The following BBX variants were observed in gnomAD, a reference collection of about 807,000 sequenced individuals.
The protein encoded by BBX is HMG box transcription factor BBX.
Under a neutral mutation model 100.2 loss-of-function variants are expected in BBX, and 30 were observed. The ratio of observed to expected loss-of-function variants is 0.30; its 90% CI spans 0.22 to 0.41. The LOEUF (loss-of-function observed/expected upper bound fraction) is 0.41. BBX is among the 10% of genes least tolerant of loss of function. The probability of loss-of-function intolerance (pLI) is 1.00; values close to 1 mark genes in which losing one functional copy is unlikely to be tolerated. For missense variants in BBX, 1,023 were observed against 1,129.8 expected (o/e 0.91, Z 1.35); for synonymous variants, 376 against 388.1 (o/e 0.97, Z 0.37).
intron 3 of BBX, among the ~76,000 whole-genome samples, chr3:107,653,684 A>C (rs949053502): frequency 2.6e-5 from 4 of 152,138 alleles, no homozygotes; most frequent in African/African-American, 7.2e-5. Flanking sequence ...ACCGTAAAGC[A>C]ATTTATTACC....
intron 2 of BBX, among the ~76,000 whole-genome samples, chr3:107,564,440 A>T (rs1204873012): frequency 1.3e-5 from 2 of 151,960 alleles, no homozygotes; most frequent in Admixed American, 6.6e-5. Context: ...TGTCTTTTTG[A>T]ACTATAAGAA....
chr3:107,713,976 T>C (rs1189231798), intron 4 of BBX, among the ~76,000 whole-genome samples: 15 of 94,764 alleles, frequency 1.6e-4, no homozygotes, highest in Admixed American at 2.9e-4. Context: ...TCTTTTTTTT[T>C]TTTTTTTTTT....
intron 4 of BBX, among the ~76,000 whole-genome samples, chr3:107,715,851 T>G (rs1294289591): frequency 6.6e-6 from 1 of 152,218 alleles, no homozygotes; most frequent in East Asian, 1.9e-4. Context: ...AAGTGTAGGA[T>G]AAAAGAGGAT....
rs1279065540 is a variant in BBX, at chr3:107,544,550, TG to T, written c.-84+18153del. ...TATTGAATGTAAAATGCTAGTTATTTGTAAAATCGTTACTTTAAAAGTTATA... is the reference window on the plus strand; with the variant it reads ...TATTGAATGTAAAATGCTAGTTATTTTAAAATCGTTACTTTAAAAGTTATA... On this transcript the variant is annotated intron_variant, in intron 2 of 17. Transcript: ENST00000325805. 1.1e-4 allele frequency among the ~76,000 whole-genome samples: 16 copies of T among 152,282 alleles called. No homozygotes were observed. The Middle Eastern group carries it at 0.01, about 97-fold the overall frequency.
intron 2 of BBX, among the ~76,000 whole-genome samples, chr3:107,621,632 C>T (rs1404468220): frequency 6.6e-6 from 1 of 152,188 alleles, no homozygotes; most frequent in Admixed American, 6.5e-5. Context: ...AGCTTGAAGA[C>T]CTGAGTTGCT....
intron 3 of BBX, among the ~76,000 whole-genome samples, chr3:107,679,524 T>C (rs1256062084): frequency 6.6e-6 from 1 of 152,056 alleles, no homozygotes; most frequent in Non-Finnish European, 1.5e-5. Flanking sequence ...GGCACAACAA[T>C]AGCACTGGGC....
At chr3:107,577,100 C>A (rs2051845687) in intron 2 of BBX, among the ~76,000 whole-genome samples, 2 of 152,144 alleles carry the variant, frequency 1.3e-5, no homozygotes, top group African/African-American at 2.4e-5. Context: ...ACCTCATGAT[C>A]CACCCACCTC....
At chr3:107,640,921 C>G (rs1364879750) in intron 2 of BBX, among the ~76,000 whole-genome samples, 1 of 152,144 alleles carries the variant, frequency 6.6e-6, no homozygotes, top group East Asian at 1.9e-4. Context: ...CTCAACCTCC[C>G]AAAGTGGTGG....
rs1356817211 is a variant in BBX at position 107,773,155 on chromosome 3, T to G, written c.1434T>G (p.Ser478=). ...TPKKTCKKRQ[S]SESDIESVIY... ...AGAAGACTTGCAAAAAGAGGCAGTC[T>G]TCGGAATCTGACATTGAGAGCGTCA... The change falls in exon 11 of 18, where the codon TCT becomes TCG. Residue 478 remains serine, a synonymous_variant. Coordinates refer to ENST00000325805, the MANE Select transcript of BBX (RefSeq NM_001142568.3). This position sits in a 1 kb window ranked among gnomAD's most constrained non-coding sequence, Gnocchi z 4.1. The G allele has an allele frequency of 1.9e-6, 3 of 1,614,086 alleles. No homozygotes were observed. In the East Asian group the frequency reaches 6.7e-5, roughly 36 times the overall value.
At chr3:107,721,359 T>TTTTTG (rs149888364) in intron 5 of BBX, among the ~76,000 whole-genome samples, 2 of 151,910 alleles carry the variant, frequency 1.3e-5, no homozygotes, top group East Asian at 1.9e-4. Context: ...GTTGTTTTGT[T>TTTTTG]TTTTGTTTTG....
At chr3:107,664,072 T>G (rs563174568) in intron 3 of BBX, among the ~76,000 whole-genome samples, 19 of 152,236 alleles carry the variant, frequency 1.2e-4, no homozygotes, top group Non-Finnish European at 2.5e-4. Context: ...CCCAAAATGC[T>G]GGGCTTACAA....
chr3:107,747,209 T>A (rs1382556917), intron 8 of BBX, among the ~76,000 whole-genome samples: 5 of 151,924 alleles, frequency 3.3e-5, no homozygotes, highest in African/African-American at 1.2e-4. Flanking sequence ...TTCCATTCAT[T>A]GTCACACACT....
intron 2 of BBX, 25 bp from the exon 3 acceptor site, chr3:107,645,811 C>T (rs1459884661): frequency 1.3e-5 from 2 of 152,602 alleles, no homozygotes; most frequent in Admixed American, 6.5e-5. Flanking sequence ...ACCATTTTAA[C>T]TACTTTTCTA....
chr3:107,675,596 G>A (rs150602468), intron 3 of BBX, among the ~76,000 whole-genome samples: 75 of 152,254 alleles, frequency 4.9e-4, no homozygotes, highest in Middle Eastern at 3.4e-3. Flanking sequence ...CACTTAGGCA[G>A]CAGTTCCCTC....
chr3:107,794,037 A>G (rs2069337288), intron 15 of BBX, among the ~76,000 whole-genome samples: 2 of 152,122 alleles, frequency 1.3e-5, no homozygotes, highest in African/African-American at 4.8e-5. Flanking sequence ...AGGATTTTCA[A>G]ATAAACCAAG....
chr3:107,571,884 G>A (rs2051394775), intron 2 of BBX, among the ~76,000 whole-genome samples: 1 of 152,238 alleles, frequency 6.6e-6, no homozygotes, highest in Admixed American at 6.5e-5. Flanking sequence ...ATGTGTGTAT[G>A]TGTGGTACGT....
At chr3:107,619,877 AGAT>A (rs2055609487) in intron 2 of BBX, among the ~76,000 whole-genome samples, 1 of 151,746 alleles carries the variant, frequency 6.6e-6, no homozygotes, top group Non-Finnish European at 1.5e-5. Context: ...GAGGGAGGGG[AGAT>A]GATTAATTTC....
At chr3:107,652,854 G>A (rs1297088597) in intron 3 of BBX, among the ~76,000 whole-genome samples, 1 of 152,102 alleles carries the variant, frequency 6.6e-6, no homozygotes, top group Non-Finnish European at 1.5e-5. Context: ...ATAAACATAT[G>A]TATATATGTA....
intron 2 of BBX, among the ~76,000 whole-genome samples, chr3:107,582,231 G>GA (rs1301161257): frequency 7.0e-6 from 1 of 143,492 alleles, no homozygotes; most frequent in Non-Finnish European, 1.5e-5. Flanking sequence ...AAAATATTTG[G>GA]AAAAATTTCT....
Sources: gnomAD v4.1 joint callset for allele counts (sites outside exome capture counted in the v4.1 genomes callset) on GRCh38, gnomAD v4.1.1 for gene constraint, Gnocchi (gnomAD v3.1) non-coding constraint, MANE v1.5 for transcripts, NCBI Gene and HGNC (gene_info 2026-07-23, HGNC 2026-07-21) for gene names.